Variants in TLK1 observed in about 807,000 individuals in gnomAD.
The protein encoded by TLK1 is serine/threonine-protein kinase tousled-like 1.
In TLK1, 24 loss-of-function variants were observed where a neutral mutation model predicts 105.3. The observed-to-expected ratio is 0.23, with a 90% CI of 0.17 to 0.32. The LOEUF is 0.32. Among genes scored for constraint, TLK1 ranks in the 10% least tolerant of loss-of-function variants. TLK1 has a pLI of 1.00. For missense variants in TLK1, 558 were observed against 910.5 expected, an observed-to-expected ratio of 0.61 and a Z score of 4.98; for synonymous variants, 321 against 310.4, an observed-to-expected ratio of 1.03 and a Z score of -0.36.
chr2:171,116,528 C>T (rs962675969), intron 2 of TLK1, among the ~76,000 whole-genome samples: 2 of 151,796 alleles, frequency 1.3e-5, no homozygotes, highest in African/African-American at 2.4e-5. Context: ...GGTAAAACCC[C>T]GTCTCTACTA....
chr2:171,216,846 A>G (rs1002834347), intron 1 of TLK1, among the ~76,000 whole-genome samples: 3 of 152,236 alleles, frequency 2.0e-5, no homozygotes, highest in African/African-American at 4.8e-5. Context: ...AAGACAAGGC[A>G]TGCCAAAGAC....
At chr2:171,167,519 C>T (rs971820982) in intron 1 of TLK1, among the ~76,000 whole-genome samples, 2 of 152,160 alleles carry the variant, frequency 1.3e-5, no homozygotes, top group African/African-American at 4.8e-5. Context: ...ATCTTCATTG[C>T]ACAATTCACA....
At chr2:171,169,703 A>G (rs188593180) in intron 1 of TLK1, among the ~76,000 whole-genome samples, 9 of 152,006 alleles carry the variant, frequency 5.9e-5, no homozygotes, top group African/African-American at 1.2e-4. Flanking sequence ...CTTTATGGGG[A>G]AAAAAAACGC....
At chr2:171,056,700 A>G in intron 5 of TLK1, 134 bp from the exon 6 acceptor site, 1 of 371,808 alleles carries the variant, frequency 2.7e-6, no homozygotes. Context: ...TCCAGAACAA[A>G]AAAAAAAAAC....
At chr2:171,047,912 A>G (rs1353148648) in intron 10 of TLK1, among the ~76,000 whole-genome samples, 1 of 152,192 alleles carries the variant, frequency 6.6e-6, no homozygotes, top group Non-Finnish European at 1.5e-5. Flanking sequence ...ATAAATGCTT[A>G]TTAGTGAAAG....
At chr2:171,079,740 A>G (rs951205729) in intron 3 of TLK1, among the ~76,000 whole-genome samples, 2 of 152,248 alleles carry the variant, frequency 1.3e-5, no homozygotes, top group African/African-American at 4.8e-5. Flanking sequence ...CACTTGAAGT[A>G]GATTAATCAA....
chr2:171,050,743 T>C (rs543303009), intron 8 of TLK1, among the ~76,000 whole-genome samples: 1 of 152,358 alleles, frequency 6.6e-6, no homozygotes, highest in East Asian at 1.9e-4. Context: ...TAGGTGGCCA[T>C]ATGCTCAGAG....
At chr2:171,039,166 AAT>A (rs1686528640) in intron 11 of TLK1, among the ~76,000 whole-genome samples, 4 of 152,006 alleles carry the variant, frequency 2.6e-5, no homozygotes, top group Admixed American at 6.6e-5. Context: ...CTGTTATTTC[AAT>A]ATGTCTTTTT....
At chr2:171,218,290 C>A (rs1207923303) in intron 1 of TLK1, among the ~76,000 whole-genome samples, 4 of 152,090 alleles carry the variant, frequency 2.6e-5, no homozygotes, top group Admixed American at 1.3e-4. Context: ...CAACAAATAA[C>A]AACAACAAAA....
chr2:171,106,526 ATC>A (rs2105512914), intron 2 of TLK1, among the ~76,000 whole-genome samples: 1 of 152,284 alleles, frequency 6.6e-6, no homozygotes, highest in African/African-American at 2.4e-5. Context: ...TATGTACAGT[ATC>A]TGTTGCTTGT....
intron 12 of TLK1, among the ~76,000 whole-genome samples, chr2:171,022,700 T>C (rs1685584674): frequency 6.6e-6 from 1 of 152,210 alleles, no homozygotes. Context: ...AGCATTATAA[T>C]GCTCATTATT....
chr2:171,004,469 C>G (rs560513710), intron 18 of TLK1, among the ~76,000 whole-genome samples: 1 of 152,184 alleles, frequency 6.6e-6, no homozygotes, highest in South Asian at 2.1e-4. Context: ...ATTTTTGGAC[C>G]ACAGATTTCC....
chr2:171,076,956 C>T (rs1003158041), intron 3 of TLK1, among the ~76,000 whole-genome samples: 2 of 151,854 alleles, frequency 1.3e-5, no homozygotes, highest in Non-Finnish European at 2.9e-5. Flanking sequence ...AACACTGGTA[C>T]TCAAGAAACA....
intron 1 of TLK1, among the ~76,000 whole-genome samples, chr2:171,177,256 A>G (rs1692847392): frequency 6.6e-6 from 1 of 151,752 alleles, no homozygotes; most frequent in African/African-American, 2.4e-5. Flanking sequence ...ATCCTCCCAT[A>G]TCAGTCTCCA....
At chr2:171,084,605 T>C (rs776974495) in intron 2 of TLK1, among the ~76,000 whole-genome samples, 1 of 152,120 alleles carries the variant, frequency 6.6e-6, no homozygotes, top group African/African-American at 2.4e-5. Context: ...CACATGAAAG[T>C]AGGCAAAAGA....
intron 12 of TLK1, among the ~76,000 whole-genome samples, chr2:171,018,581 TCA>T (rs1559345386): frequency 6.6e-6 from 1 of 152,218 alleles, no homozygotes; most frequent in Non-Finnish European, 1.5e-5. Flanking sequence ...TTCCAAGGGT[TCA>T]GGAGAAGACA....
chr2:170,996,819 T>C (rs1186630283), intron 19 of TLK1, 59 bp from the exon 20 acceptor site: 22 of 1,425,074 alleles, frequency 1.5e-5, no homozygotes, highest in Non-Finnish European at 1.9e-5. Context: ...AACACAGATA[T>C]CATTTCTGTT....
chr2:171,125,915 A>G (rs985488845), intron 1 of TLK1, among the ~76,000 whole-genome samples: 5 of 152,150 alleles, frequency 3.3e-5, no homozygotes, highest in Non-Finnish European at 5.9e-5. Context: ...AAAGATTTCA[A>G]TCTTTTATGG....
chr2:171,011,344 T>TA (rs748464991), intron 14 of TLK1, 29 bp downstream of exon 14: 359 of 1,558,738 alleles, frequency 2.3e-4, no homozygotes, highest in Admixed American at 3.8e-4. Flanking sequence ...TACATTAGTG[T>TA]AAAAAAAACA....
Sources: allele counts gnomAD v4.1 joint callset (sites outside exome capture counted in the v4.1 genomes callset), GRCh38; gene constraint gnomAD v4.1.1; transcripts MANE v1.5; gene names NCBI Gene and HGNC (gene_info 2026-07-23, HGNC 2026-07-21).